Variants in CDH13 observed in about 807,000 individuals in gnomAD.
CDH13 encodes the protein cadherin-13.
In CDH13, 24 loss-of-function variants were observed where a neutral mutation model predicts 63.8. The ratio of observed to expected loss-of-function variants is 0.38; its 90% CI spans 0.27 to 0.53. CDH13 has a LOEUF of 0.53. Among genes scored for constraint, CDH13 ranks in the 20% least tolerant of loss-of-function variants. CDH13 has a pLI of 0.85. For synonymous variants in CDH13, 503 were observed against 355.3 expected (o/e 1.42, Z -4.67); for missense variants, 1,049 against 903.1 (o/e 1.16, Z -2.07).
rs1460889861 is a variant in CDH13, at chr16:82,836,409, C to G, written c.46-21953C>G. On this transcript the variant is annotated intron_variant, in intron 1 of 13. Transcript: ENST00000567109. ...AGGTGATCCACCCGCCTTGGCCTCC[C>G]AAAGTGCTAGGATTACAGGCATGAG... Among the ~76,000 whole-genome samples, 4 of 152,238 alleles carry G rather than the reference C, an allele frequency of 2.6e-5. No homozygotes were observed. In the East Asian group the frequency reaches 7.7e-4, roughly 29 times the overall value.
At chr16:83,664,445 A>G (rs1166461330) in intron 8 of CDH13, among the ~76,000 whole-genome samples, 2 of 151,872 alleles carry the variant, frequency 1.3e-5, no homozygotes, top group Non-Finnish European at 2.9e-5. Context: ...AGCTTTATGT[A>G]GAACTCTGTA....
chr16:83,036,865 A>G (rs11641414), intron 3 of CDH13, among the ~76,000 whole-genome samples: 28,410 of 152,100 alleles, frequency 0.19, 3,228 homozygotes, highest in East Asian at 0.29. Context: ...TACACCCCAC[A>G]CAAGCCAGGG....
chr16:83,370,582 A>G (rs1284423581), intron 6 of CDH13, among the ~76,000 whole-genome samples: 1 of 152,126 alleles, frequency 6.6e-6, no homozygotes, highest in African/African-American at 2.4e-5. Context: ...TAAGCATGGT[A>G]CCCTATAGGT....
intron 4 of CDH13, among the ~76,000 whole-genome samples, chr16:83,191,502 TATACACACACACACACACACACACACAC>T (rs2038706894): frequency 4.2e-5 from 3 of 71,258 alleles, no homozygotes; most frequent in Admixed American, 1.4e-4. Context: ...CATATATATA[TATACACACACACACACACACACACACAC>T]ATATATATAT....
At chr16:83,547,008 C>G (rs2075398889) in intron 7 of CDH13, among the ~76,000 whole-genome samples, 1 of 152,188 alleles carries the variant, frequency 6.6e-6, no homozygotes, top group Non-Finnish European at 1.5e-5. Flanking sequence ...CTTCAAGGAC[C>G]ACAGTTGGCT....
chr16:83,536,490 A>G (rs915182650), intron 7 of CDH13, among the ~76,000 whole-genome samples: 2 of 152,158 alleles, frequency 1.3e-5, no homozygotes, highest in African/African-American at 4.8e-5. Flanking sequence ...TCCTGTGGCC[A>G]GTGGGAATGC....
intron 3 of CDH13, among the ~76,000 whole-genome samples, chr16:83,093,373 G>T (rs1039422236): frequency 7.3e-6 from 1 of 137,226 alleles, no homozygotes; most frequent in African/African-American, 2.8e-5. Context: ...GGAGTGCCGT[G>T]AGTGGCACAG....
chr16:83,441,746 A>G (rs933666522), intron 6 of CDH13, among the ~76,000 whole-genome samples: 1 of 152,122 alleles, frequency 6.6e-6, no homozygotes, highest in Non-Finnish European at 1.5e-5. Context: ...GTCTGGGAAG[A>G]GAGAGAGTAC....
intron 6 of CDH13, among the ~76,000 whole-genome samples, chr16:83,407,618 A>G (rs539754781): frequency 6.6e-6 from 1 of 152,368 alleles, no homozygotes; most frequent in African/African-American, 2.4e-5. Flanking sequence ...ATATACCTAA[A>G]GAAGGTAGGT....
rs543802462 is a variant in CDH13 at position 83,157,269 on chromosome 16, C to T, written c.483+31768C>T. ...GTGAGATGACTACAGGTAACAGACC[C>T]TTGCTATCATTTGGGTGTTCTCACA... On this transcript the variant is annotated intron_variant, in intron 4 of 13. Coordinates refer to ENST00000567109, the MANE Select transcript of CDH13 (RefSeq NM_001257.5). 2.0e-4 allele frequency among the ~76,000 whole-genome samples: 30 copies of T among 147,602 alleles called. 1 individual carries two copies. In the South Asian group the frequency reaches 6.6e-3, roughly 33 times the overall value.
intron 5 of CDH13, among the ~76,000 whole-genome samples, chr16:83,221,721 G>T (rs930513282): frequency 2.6e-5 from 4 of 152,128 alleles, no homozygotes; most frequent in Non-Finnish European, 5.9e-5. Context: ...GCATGGCCAA[G>T]ACCATGGTAG....
chr16:82,959,242 A>T (rs987479046), intron 2 of CDH13, among the ~76,000 whole-genome samples: 4 of 152,280 alleles, frequency 2.6e-5, no homozygotes, highest in Non-Finnish European at 5.9e-5. Flanking sequence ...TTGTTTAAAA[A>T]GATGACAGAC....
intron 8 of CDH13, among the ~76,000 whole-genome samples, chr16:83,667,732 A>C (rs958589878): frequency 2.0e-5 from 3 of 152,092 alleles, no homozygotes; most frequent in Non-Finnish European, 4.4e-5. Flanking sequence ...ATCATAGCTC[A>C]CTGCAGCCTC....
At chr16:83,104,200 G>C (rs952234939) in intron 3 of CDH13, among the ~76,000 whole-genome samples, 1 of 152,210 alleles carries the variant, frequency 6.6e-6, no homozygotes, top group Non-Finnish European at 1.5e-5. Context: ...GGAAACCTCA[G>C]ATGTGGGAGA....
rs1030508329 is a variant in CDH13 at position 82,680,754 on chromosome 16, T to C, written c.45+53617T>C. On this transcript the variant is annotated intron_variant, in intron 1 of 13. Coordinates refer to ENST00000567109, the MANE Select transcript of CDH13 (RefSeq NM_001257.5). The stretch of plus-strand genomic sequence containing the variant: ...AGGAACTTTCCGTACTTGAGGCCTA[T>C]CAATAGCAGGAAGTTATTACTACCT... Among the ~76,000 whole-genome samples the C allele has an allele frequency of 2.0e-5, 3 of 152,112 alleles. No individual in the cohort carries two copies. In the South Asian group the frequency reaches 6.2e-4, roughly 32 times the overall value.
chr16:83,381,433 C>T (rs1387858042), intron 6 of CDH13, among the ~76,000 whole-genome samples: 1 of 152,064 alleles, frequency 6.6e-6, no homozygotes, highest in Admixed American at 6.6e-5. Flanking sequence ...TGTGCGTTCC[C>T]TATCCATGTT....
intron 1 of CDH13, among the ~76,000 whole-genome samples, chr16:82,764,803 A>G (rs187893734): frequency 6.8e-6 from 1 of 146,468 alleles, no homozygotes; most frequent in Admixed American, 6.8e-5. Context: ...ATCTTCATTC[A>G]TTTCATTCAT....
At chr16:83,459,399 G>C (rs1450981820) in intron 6 of CDH13, among the ~76,000 whole-genome samples, 1 of 152,186 alleles carries the variant, frequency 6.6e-6, no homozygotes, top group Non-Finnish European at 1.5e-5. Context: ...CATGTTTCAT[G>C]AGCCTTAACC....
chr16:83,057,448 C>T (rs998143498), intron 3 of CDH13, among the ~76,000 whole-genome samples: 1 of 152,178 alleles, frequency 6.6e-6, no homozygotes, highest in Admixed American at 6.5e-5. Context: ...TGTACACTTA[C>T]ACTTTTGCAG....
Sources: allele counts gnomAD v4.1 joint callset (sites outside exome capture counted in the v4.1 genomes callset), GRCh38; gene constraint gnomAD v4.1.1; transcripts MANE v1.5; gene names NCBI Gene and HGNC (gene_info 2026-07-23, HGNC 2026-07-21).